NEBL: variants seen among roughly 807,000 people sequenced by gnomAD.
The protein encoded by NEBL is LIM and SH3 protein 2.
In NEBL, 122 loss-of-function variants were observed where a neutral mutation model predicts 140.2. That is an observed-to-expected ratio of 0.87 (90% CI 0.75 to 1.01). NEBL has a LOEUF of 1.01. NEBL is among the 50% of genes least tolerant of loss of function. The probability of loss-of-function intolerance (pLI) is 0.00; values close to 1 mark genes in which losing one functional copy is unlikely to be tolerated. For missense variants in NEBL, 1,365 were observed against 1,231.3 expected, an observed-to-expected ratio of 1.11 and a Z score of -1.62; for synonymous variants, 436 against 398.9, an observed-to-expected ratio of 1.09 and a Z score of -1.11.
At chr10:21,271,717 G>A (rs1174023832) in intron 1 of NEBL, among the ~76,000 whole-genome samples, 2 of 150,928 alleles carry the variant, frequency 1.3e-5, no homozygotes, top group Admixed American at 1.3e-4. Context: ...GTAGAGACGG[G>A]GTTTCACCAT....
intron 2 of NEBL, chr10:21,126,024 C>T (rs375041567): frequency 4.6e-5 from 75 of 1,614,090 alleles, no homozygotes; most frequent in Non-Finnish European, 3.4e-5. Flanking sequence ...TCCGCAGCCA[C>T]CTGGCAAGCG....
chr10:20,827,184 GAA>G (rs1839960662), intron 17 of NEBL, among the ~76,000 whole-genome samples: 1 of 152,164 alleles, frequency 6.6e-6, no homozygotes, highest in Non-Finnish European at 1.5e-5. Context: ...GTAATTATAA[GAA>G]AGGTAAATGA....
At chr10:20,971,942 G>C (rs1396449644) in intron 3 of NEBL, among the ~76,000 whole-genome samples, 1 of 152,062 alleles carries the variant, frequency 6.6e-6, no homozygotes, top group Non-Finnish European at 1.5e-5. Flanking sequence ...AAATTACTTT[G>C]AACCAGAAGG....
intron 13 of NEBL, among the ~76,000 whole-genome samples, chr10:20,839,639 A>C (rs1841223534): frequency 6.6e-6 from 1 of 152,196 alleles, no homozygotes; most frequent in Non-Finnish European, 1.5e-5. Flanking sequence ...AAACACATAA[A>C]AATTTAGAAT....
chr10:20,889,210 T>C (rs1846803807), intron 3 of NEBL, among the ~76,000 whole-genome samples: 1 of 152,214 alleles, frequency 6.6e-6, no homozygotes, highest in African/African-American at 2.4e-5. Flanking sequence ...ACTACAGTAA[T>C]GCCTCACCAC....
chr10:21,217,555 T>G (rs1842011292), intron 3 of NEBL, among the ~76,000 whole-genome samples: 2 of 152,282 alleles, frequency 1.3e-5, no homozygotes, highest in South Asian at 2.1e-4. Flanking sequence ...GAAAAAAAAG[T>G]GTAGGCTTTG....
intron 3 of NEBL, among the ~76,000 whole-genome samples, chr10:21,187,523 A>G (rs1412657851): frequency 2.7e-5 from 4 of 150,702 alleles, no homozygotes; most frequent in Non-Finnish European, 5.9e-5. Context: ...TATTATTATT[A>G]TTATTGTTAT....
intron 26 of NEBL, among the ~76,000 whole-genome samples, chr10:20,797,277 T>C (rs1836645324): frequency 1.3e-5 from 2 of 152,208 alleles, no homozygotes; most frequent in Admixed American, 1.3e-4. Flanking sequence ...ATTCTAGAAA[T>C]ATGTATTGGA....
chr10:20,930,866 G>A (rs979818834), intron 4 of NEBL, among the ~76,000 whole-genome samples: 2 of 152,182 alleles, frequency 1.3e-5, no homozygotes, highest in African/African-American at 2.4e-5. Flanking sequence ...AACATTCAAA[G>A]TAGGCAATAT....
At chr10:20,931,210 A>G (rs1483022235) in intron 4 of NEBL, among the ~76,000 whole-genome samples, 4 of 152,182 alleles carry the variant, frequency 2.6e-5, no homozygotes. Flanking sequence ...AAGACGCACC[A>G]TAATTCTCAA....
At chr10:20,946,684 CA>C (rs1023592922) in intron 4 of NEBL, among the ~76,000 whole-genome samples, 3 of 152,116 alleles carry the variant, frequency 2.0e-5, no homozygotes, top group African/African-American at 7.2e-5. Flanking sequence ...AGGCTGGTCT[CA>C]AACACCGCGC....
At chr10:21,172,594 A>G in intron 1 of NEBL, 1 of 741,838 alleles carries the variant, frequency 1.3e-6, no homozygotes, top group South Asian at 1.6e-5. Flanking sequence ...ATATTACAAC[A>G]AAAAGAGTGT....
intron 4 of NEBL, among the ~76,000 whole-genome samples, chr10:20,937,298 C>T (rs1044700544): frequency 2.2e-4 from 34 of 152,304 alleles, no homozygotes; most frequent in African/African-American, 6.5e-4. Context: ...TTCTGAGTCA[C>T]GCAAAGGGCT....
At chr10:21,136,342 G>A (rs1444327713) in intron 2 of NEBL, among the ~76,000 whole-genome samples, 1 of 152,078 alleles carries the variant, frequency 6.6e-6, no homozygotes, top group Non-Finnish European at 1.5e-5. Context: ...TTTTGTTGTT[G>A]TTTAAAGACA....
intron 3 of NEBL, among the ~76,000 whole-genome samples, chr10:21,013,255 A>G (rs2131745694): frequency 6.6e-6 from 1 of 152,326 alleles, no homozygotes; most frequent in East Asian, 1.9e-4. Flanking sequence ...CCATTCCTCT[A>G]TGTGAAACGT....
chr10:20,803,812 A>AATATATATATATATAT (rs773980585), intron 26 of NEBL, among the ~76,000 whole-genome samples: 2 of 143,566 alleles, frequency 1.4e-5, no homozygotes, highest in Non-Finnish European at 3.1e-5. Flanking sequence ...CTGTACGAAA[A>AATATATATATATATAT]ATATATATAT....
chr10:21,185,016 C>T (rs904295757), intron 3 of NEBL, among the ~76,000 whole-genome samples: 1 of 152,170 alleles, frequency 6.6e-6, no homozygotes, highest in African/African-American at 2.4e-5. Flanking sequence ...TGCTATCTTA[C>T]CTTCTCCCAT....
intron 2 of NEBL, among the ~76,000 whole-genome samples, chr10:21,141,823 T>C (rs1839643840): frequency 6.6e-6 from 1 of 152,214 alleles, no homozygotes; most frequent in African/African-American, 2.4e-5. Flanking sequence ...GAAGCTCTGA[T>C]GCAAAGCATG....
chr10:21,042,603 T>C (rs986750102), intron 2 of NEBL, among the ~76,000 whole-genome samples: 4 of 152,234 alleles, frequency 2.6e-5, no homozygotes, highest in African/African-American at 9.6e-5. Flanking sequence ...CTTTGCACTG[T>C]TCTTTCCAAC....
Sources: allele counts gnomAD v4.1 joint callset (sites outside exome capture counted in the v4.1 genomes callset), GRCh38; gene constraint gnomAD v4.1.1; transcripts MANE v1.5; gene names NCBI Gene and HGNC (gene_info 2026-07-23, HGNC 2026-07-21).